IFIT2: variants seen among roughly 807,000 people sequenced by gnomAD.
The protein encoded by IFIT2 is interferon-induced protein with tetratricopeptide repeats 2.
A neutral mutation model predicts 2.5 loss-of-function variants in IFIT2; 3 were observed. The observed-to-expected ratio is 1.21, with a 90% confidence interval of 0.55 to 3.14. The LOEUF (loss-of-function observed/expected upper bound fraction) is 3.14. Ranked by LOEUF, IFIT2 falls within the 30% of genes most tolerant of loss-of-function variation. IFIT2 has a pLI of 0.03. For missense variants in IFIT2, 493 were observed against 558.9 expected (o/e 0.88, Z 1.19); for synonymous variants, 212 against 200.7 (o/e 1.06, Z -0.48).
At chr10:89,303,850 G>A (rs966861257) in intron 1 of IFIT2, among the ~76,000 whole-genome samples, 1 of 152,210 alleles carries the variant, frequency 6.6e-6, no homozygotes, top group African/African-American at 2.4e-5. Flanking sequence ...GAGTCTTCAG[G>A]TGTTAGGATG....
At position 89,308,948 on chromosome 10, in the gene IFIT2, T is replaced by C. The variant is rs552393966; in HGVS notation, c.*1573T>C. ...AAGCAGTGTTCTGGTTCATCTGGAATTTTGCTGTACTTTAAATCTTTCAGA... is the reference window on the plus strand; with the variant it reads ...AAGCAGTGTTCTGGTTCATCTGGAACTTTGCTGTACTTTAAATCTTTCAGA... On this transcript the variant is annotated 3_prime_UTR_variant, in exon 2 of 2. Coordinates refer to ENST00000371826, the MANE Select transcript of IFIT2 (RefSeq NM_001547.5). 1 of 152,350 alleles carries C rather than the reference T, an allele frequency of 6.6e-6. No individual in the cohort carries two copies. Among genetic ancestry groups the C allele is most frequent in the Non-Finnish European group, 1.5e-5 (1 of 68,040 alleles). The allele number at this position is 152,350 out of a possible 1,614,324, so 9.4% of individuals were successfully genotyped here. A position where few individuals can be genotyped will look rare whatever the true frequency, so the allele number is the denominator to read the frequency against.
Position 89,308,995 on chromosome 10 carries a change from C to A in IFIT2, c.*1620C>A, listed in dbSNP as rs903104978. 1 of 152,170 alleles carries A rather than the reference C, an allele frequency of 6.6e-6. No individual in the cohort carries two copies. The highest frequency in any genetic ancestry group is 6.6e-5 in the Admixed American group (1 of 15,262). 9.4% of individuals were successfully genotyped at this position (152,170 alleles called of 1,614,324 possible). On this transcript the variant is annotated 3_prime_UTR_variant, in exon 2 of 2. Transcript: ENST00000371826. ...CAGACTCAGCTACTGATAAATGAAA[C>A]GTTACACAGGTGTGAACCAAATCCA...
rs1727 is a variant in IFIT2 at position 89,307,012 on chromosome 10, C to A, written c.1056C>A (p.Asp352Glu). 0.76 allele frequency: 1,233,479 copies of A among 1,613,674 alleles called. 475,430 individuals are homozygous for A. Among genetic ancestry groups the A allele is most frequent in the East Asian group, 0.98 (44,091 of 44,856 alleles). The change falls in exon 2 of 2, where the codon GAC becomes GAA. Residue 352 changes from aspartate to glutamate, a missense_variant. Coordinates refer to ENST00000371826, the MANE Select transcript of IFIT2 (RefSeq NM_001547.5). ...SLHALADQYE[D>E]AEYYFQKEFS... ...ATGCTCTAGCAGATCAGTATGAAGACGCAGAGTATTACTTCCAAAAGGAAT... is the reference window on the plus strand; with the variant it reads ...ATGCTCTAGCAGATCAGTATGAAGAAGCAGAGTATTACTTCCAAAAGGAAT...
chr10:89,303,631 C>A (rs1252530696), intron 1 of IFIT2, among the ~76,000 whole-genome samples: 1 of 152,150 alleles, frequency 6.6e-6, no homozygotes, highest in Admixed American at 6.5e-5. Context: ...AGGGCTTTTA[C>A]CTAAGTGTGT....
chr10:89,307,090 C>T lies in IFIT2; in HGVS notation c.1134C>T (p.Gly378=). The change falls in exon 2 of 2, where the codon GGC becomes GGT. Residue 378 remains glycine (G), a synonymous_variant. Coordinates refer to ENST00000371826, the MANE Select transcript of IFIT2 (RefSeq NM_001547.5). The stretch of plus-strand genomic sequence containing the variant: ...AACAACTGCTCCATCTGCGGTATGG[C>T]AACTTTCAGCTGTACCAAATGAAGT... The part of the protein sequence containing the change: ...VAKQLLHLRY[G]NFQLYQMKCE... 6.2e-7 allele frequency: 1 copy of T among 1,614,022 alleles called. No homozygotes were observed. The highest frequency in any genetic ancestry group is 2.2e-5 in the East Asian group (1 of 44,884).
chr10:89,305,927 T>C, intron 1 of IFIT2, 35 bp from the exon 2 acceptor site: 1 of 1,441,248 alleles, frequency 6.9e-7, no homozygotes, highest in Non-Finnish European at 9.6e-7. Flanking sequence ...TATAAATCTG[T>C]GTCTCAAAGT....
chr10:89,306,213 C>T lies in IFIT2; in HGVS notation c.257C>T (p.Ala86Val). 6.2e-7 allele frequency: 1 copy of T among 1,614,146 alleles called. No homozygotes were observed. The highest frequency in any genetic ancestry group is 8.5e-7 in the Non-Finnish European group (1 of 1,179,990). The change falls in exon 2 of 2, where the codon GCT becomes GTT. Residue 86 changes from alanine (A) to valine (V), a missense_variant. By Grantham distance (64) the Ala-to-Val change is moderately conservative (BLOSUM62 0). Coordinates refer to ENST00000371826, the MANE Select transcript of IFIT2 (RefSeq NM_001547.5). Reference protein sequence around the residue: ...KAEELIQQEHADQAEIRSLVT... With the variant: ...KAEELIQQEHVDQAEIRSLVT... Reference sequence around the variant, plus strand: ...GAAGAGTTAATCCAGCAAGAGCATGCTGACCAGGCAGAAATCAGAAGTCTG... The same window carrying T: ...GAAGAGTTAATCCAGCAAGAGCATGTTGACCAGGCAGAAATCAGAAGTCTG...
At position 89,306,048 on chromosome 10, in the gene IFIT2, T is replaced by G. The variant is rs779894027; in HGVS notation, c.92T>G (p.Leu31Trp). 2 of 1,614,118 alleles carry G rather than the reference T, an allele frequency of 1.2e-6. No individual in the cohort carries two copies. The highest frequency in any genetic ancestry group is 1.3e-5 in the African/African-American group (1 of 75,032). The change falls in exon 2 of 2, where the codon TTG becomes TGG. Residue 31 changes from leucine (L) to tryptophan (W), a missense_variant. Coordinates refer to ENST00000371826, the MANE Select transcript of IFIT2 (RefSeq NM_001547.5). ...AACTTGATGGAGGGAGAAAACTCCT[T>G]GGATGATTTTGAAGACAAAGTATTT... Reference protein sequence around the residue: ...TWNLMEGENSLDDFEDKVFYR... With the variant: ...TWNLMEGENSWDDFEDKVFYR...
Position 89,306,130 on chromosome 10 carries a change from C to A in IFIT2, c.174C>A (p.Ala58=). 6.2e-7 allele frequency: 1 copy of A among 1,614,100 alleles called. No individual in the cohort carries two copies. The highest frequency in any genetic ancestry group is 8.5e-7 in the Non-Finnish European group (1 of 1,180,004). The change falls in exon 2 of 2, where the codon GCC becomes GCA. Residue 58 remains alanine, a synonymous_variant. Coordinates refer to ENST00000371826, the MANE Select transcript of IFIT2 (RefSeq NM_001547.5). ...AAGCCACAATGTGCAACCTACTGGC[C>A]TATCTAAAGCACCTCAAAGGGCAAA... is the stretch of plus-strand genomic sequence containing the variant. ...EFKATMCNLL[A]YLKHLKGQNE...
At chr10:89,303,668 G>A (rs1843460012) in intron 1 of IFIT2, among the ~76,000 whole-genome samples, 2 of 152,254 alleles carry the variant, frequency 1.3e-5, no homozygotes, top group South Asian at 4.1e-4. Flanking sequence ...TCCTGCAAAT[G>A]CACAATAGAC....
Position 89,306,265 on chromosome 10 carries a change from C to T in IFIT2, c.309C>T (p.Val103=). 6.2e-7 allele frequency: 1 copy of T among 1,614,112 alleles called. No individual in the cohort carries two copies. The highest frequency in any genetic ancestry group is 8.5e-7 in the Non-Finnish European group (1 of 1,180,010). ...SLVTWGNYAW[V]YYHMGRLSDV... ...TCACCTGGGGAAACTATGCCTGGGT[C>T]TACTATCACATGGGCCGACTCTCAG... Residue 103 remains valine (V), a synonymous_variant, in exon 2 of 2, where the codon GTC becomes GTT. Coordinates refer to ENST00000371826, the MANE Select transcript of IFIT2 (RefSeq NM_001547.5).
Position 89,307,115 on chromosome 10 carries a change from T to G in IFIT2, c.1159T>G (p.Cys387Gly), listed in dbSNP as rs754754578. The G allele has an allele frequency of 3.7e-6, 6 of 1,614,008 alleles. No individual in the cohort carries two copies. The highest frequency in any genetic ancestry group is 5.1e-6 in the Non-Finnish European group (6 of 1,179,950). ...YGNFQLYQMK[C>G]EDKAIHHFIE... is the part of the protein sequence containing the mutation. ...CAACTTTCAGCTGTACCAAATGAAG[T>G]GTGAAGACAAGGCCATCCACCACTT... Residue 387 changes from cysteine to glycine, a missense_variant, in exon 2 of 2, where the codon TGT becomes GGT. By Grantham distance (159) the Cys-to-Gly change is radical. Coordinates refer to ENST00000371826, the MANE Select transcript of IFIT2 (RefSeq NM_001547.5).
intron 1 of IFIT2, among the ~76,000 whole-genome samples, chr10:89,303,643 T>C (rs1383165534): frequency 6.6e-6 from 1 of 152,236 alleles, no homozygotes; most frequent in East Asian, 1.9e-4. Flanking sequence ...TAAGTGTGTA[T>C]ATTAAATATC....
chr10:89,306,728 C>A lies in IFIT2; in HGVS notation c.772C>A (p.Arg258=), dbSNP rs750923936. The stretch of plus-strand genomic sequence containing the variant: ...TCTTCGCAGTGCAGCCAAGTTTTAT[C>A]GAAGAAAAGATGAGCCAGACAAAGC... ...DVLRSAAKFY[R]RKDEPDKAIE... Residue 258 remains arginine, a synonymous_variant, in exon 2 of 2, where the codon CGA becomes AGA. Coordinates refer to ENST00000371826, the MANE Select transcript of IFIT2 (RefSeq NM_001547.5). 6.2e-7 allele frequency: 1 copy of A among 1,613,980 alleles called. No homozygotes were observed.
intron 1 of IFIT2, 136 bp from the exon 2 acceptor site, chr10:89,305,826 A>G (rs1368904282): frequency 3.0e-6 from 2 of 661,940 alleles, no homozygotes; most frequent in East Asian, 2.6e-5. Context: ...AAAACATATT[A>G]TAGAAAGAAA....
At position 89,306,805 on chromosome 10, in the gene IFIT2, G is replaced by T; in HGVS notation, c.849G>T (p.Leu283=). ...ALEYIPNNAY[L]HCQIGCCYRA... ...AATACATACCAAACAATGCCTACCTGCATTGCCAAATTGGGTGCTGCTATA... is the reference window on the plus strand; with the variant it reads ...AATACATACCAAACAATGCCTACCTTCATTGCCAAATTGGGTGCTGCTATA... The change falls in exon 2 of 2, where the codon CTG becomes CTT. Residue 283 remains leucine, a synonymous_variant. Coordinates refer to ENST00000371826, the MANE Select transcript of IFIT2 (RefSeq NM_001547.5). 1 of 1,614,090 alleles carries T rather than the reference G, an allele frequency of 6.2e-7. No individual in the cohort carries two copies. The highest frequency in any genetic ancestry group is 8.5e-7 in the Non-Finnish European group (1 of 1,179,958).
Position 89,308,532 on chromosome 10 carries a change from A to G in IFIT2, c.*1157A>G, listed in dbSNP as rs1843497899. 6.6e-6 allele frequency: 1 copy of G among 152,140 alleles called. No individual in the cohort carries two copies. Among genetic ancestry groups the G allele is most frequent in the Admixed American group, 6.5e-5 (1 of 15,274 alleles). 9.4% of individuals were successfully genotyped at this position (152,140 alleles called of 1,614,324 possible). On this transcript the variant is annotated 3_prime_UTR_variant, in exon 2 of 2. Coordinates refer to ENST00000371826, the MANE Select transcript of IFIT2 (RefSeq NM_001547.5). ...ATAAACACTTCTTTTAACTCCGAAA[A>G]TCTTCTGAGAAATCACAAAATTCAC...
chr10:89,302,183 A>G, intron 1 of IFIT2, 55 bp downstream of exon 1: 4 of 1,590,514 alleles, frequency 2.5e-6, no homozygotes, highest in Non-Finnish European at 3.5e-6. Context: ...TGTCCAATGC[A>G]AATCCTGAGA....
chr10:89,306,018 C>G lies in IFIT2; in HGVS notation c.62C>G (p.Thr21Ser), dbSNP rs369117025. The change falls in exon 2 of 2, where the codon ACC becomes AGC. Residue 21 changes from threonine to serine, a missense_variant. Coordinates refer to ENST00000371826, the MANE Select transcript of IFIT2 (RefSeq NM_001547.5). ...CTACGGCAACTAAAATGCCATTTCA[C>G]CTGGAACTTGATGGAGGGAGAAAAC... is the stretch of plus-strand genomic sequence containing the variant. ...SSLRQLKCHF[T>S]WNLMEGENSL... is the part of the protein sequence containing the mutation. The G allele has an allele frequency of 2.2e-4, 350 of 1,613,978 alleles. No individual in the cohort carries two copies. The highest frequency in any genetic ancestry group is 3.5e-4 in the Admixed American group (21 of 60,010).
Sources: allele counts gnomAD v4.1 joint callset (sites outside exome capture counted in the v4.1 genomes callset), GRCh38; gene constraint gnomAD v4.1.1; transcripts MANE v1.5; gene names NCBI Gene and HGNC (gene_info 2026-07-23, HGNC 2026-07-21).